Variants in GBE1 observed in about 807,000 individuals in gnomAD.
GBE1 encodes the protein 1,4-alpha-glucan-branching enzyme.
In GBE1, 70 loss-of-function variants were observed where a neutral mutation model predicts 88.8. The ratio of observed to expected loss-of-function variants is 0.79; its 90% CI spans 0.65 to 0.96. GBE1 has a LOEUF of 0.96. Ranked by LOEUF, GBE1 falls within the 40% of genes least tolerant of loss-of-function variation. The pLI is 0.00. For missense variants in GBE1, 872 were observed against 871.0 expected (o/e 1.00, Z -0.01); for synonymous variants, 284 against 300.1 (o/e 0.95, Z 0.56).
At chr3:81,583,809 G>A (rs1703763378) in intron 10 of GBE1, among the ~76,000 whole-genome samples, 1 of 151,980 alleles carries the variant, frequency 6.6e-6, no homozygotes, top group Admixed American at 6.6e-5. Context: ...GGAATCTTGT[G>A]GCAATGAACG....
At chr3:81,666,338 C>T (rs1705114238) in intron 3 of GBE1, among the ~76,000 whole-genome samples, 1 of 152,138 alleles carries the variant, frequency 6.6e-6, no homozygotes, top group South Asian at 2.1e-4. Context: ...CTTTTCTTTC[C>T]ATATTTTTTA....
At chr3:81,613,148 C>CTTT in intron 7 of GBE1, 2 of 226,944 alleles carry the variant, frequency 8.8e-6, no homozygotes, top group South Asian at 5.4e-5. Context: ...AAGCTGCAGT[C>CTTT]TTTTTTTTTT....
At position 81,636,307 on chromosome 3, in the gene GBE1, G is replaced by A. The variant is rs1193183315; in HGVS notation, c.992+6474C>T. Among the ~76,000 whole-genome samples the A allele has an allele frequency of 2.0e-5, 3 of 152,086 alleles. No homozygotes were observed. The East Asian group carries it at 5.8e-4, about 29-fold the overall frequency. On this transcript the variant is annotated intron_variant, in intron 7 of 15. Transcript: ENST00000429644. The stretch of plus-strand genomic sequence containing the variant: ...ATAAGATTCTGGTTTTAACAAGGAA[G>A]AAATGCTGAAAGGGAAAGAAAAAAT...
chr3:81,712,607 T>C (rs1243563176), intron 1 of GBE1, among the ~76,000 whole-genome samples: 2 of 151,268 alleles, frequency 1.3e-5, no homozygotes, highest in Admixed American at 6.6e-5. Flanking sequence ...ATGAGAACAC[T>C]TGGACACAGG....
chr3:81,637,689 A>T (rs1239712002), intron 7 of GBE1, among the ~76,000 whole-genome samples: 1 of 152,110 alleles, frequency 6.6e-6, no homozygotes, highest in Non-Finnish European at 1.5e-5. Context: ...AAATCCTCTT[A>T]AAAATAATTT....
At chr3:81,751,803 T>G (rs1231130293) in intron 1 of GBE1, among the ~76,000 whole-genome samples, 2 of 152,220 alleles carry the variant, frequency 1.3e-5, no homozygotes, top group African/African-American at 4.8e-5. Flanking sequence ...ATAACCAATT[T>G]TATCATGTTT....
At chr3:81,631,700 T>C (rs553880949) in intron 7 of GBE1, among the ~76,000 whole-genome samples, 5 of 151,088 alleles carry the variant, frequency 3.3e-5, no homozygotes. Context: ...TAAGCCGAGA[T>C]TGCACCACTG....
chr3:81,603,757 A>G (rs1156812722), intron 7 of GBE1, among the ~76,000 whole-genome samples: 4 of 152,130 alleles, frequency 2.6e-5, no homozygotes, highest in Admixed American at 1.3e-4. Flanking sequence ...CGGCCTCCCA[A>G]AGTGCTGGGA....
intron 7 of GBE1, among the ~76,000 whole-genome samples, chr3:81,634,005 G>T (rs1704555552): frequency 6.6e-6 from 1 of 152,056 alleles, no homozygotes. Flanking sequence ...AGAAGATGTG[G>T]CTCCATGGGT....
chr3:81,667,567 A>G (rs1037661015), intron 3 of GBE1, among the ~76,000 whole-genome samples: 1 of 152,126 alleles, frequency 6.6e-6, no homozygotes, highest in Admixed American at 6.5e-5. Flanking sequence ...ATTCAATATG[A>G]TATTAGTTGT....
At position 81,761,489 on chromosome 3, in the gene GBE1, C is replaced by G. The variant is rs1260965194; in HGVS notation, c.29G>C (p.Arg10Pro). The G allele has an allele frequency of 6.2e-7, 1 of 1,609,832 alleles. No homozygotes were observed. Among genetic ancestry groups the G allele is most frequent in the South Asian group, 1.1e-5 (1 of 90,788 alleles). MAAPMTPAA[R>P]PEDYEAALNA... Reference sequence around the variant, plus strand: ...GAGCGCCGCCTCGTAGTCCTCGGGCCGAGCCGCGGGAGTCATCGGAGCCGC... The same window carrying G: ...GAGCGCCGCCTCGTAGTCCTCGGGCGGAGCCGCGGGAGTCATCGGAGCCGC... The change falls in exon 1 of 16, where the codon CGG becomes CCG. Residue 10 changes from arginine (R) to proline (P), a missense_variant. Physicochemically the swap from Arg to Pro is moderately radical, Grantham distance 103. Coordinates refer to ENST00000429644, the MANE Select transcript of GBE1 (RefSeq NM_000158.4).
At chr3:81,655,487 C>T (rs1382577795) in intron 3 of GBE1, among the ~76,000 whole-genome samples, 2 of 151,862 alleles carry the variant, frequency 1.3e-5, no homozygotes, top group African/African-American at 2.4e-5. Flanking sequence ...ACCTGAATCC[C>T]GAAGAAATAA....
chr3:81,662,994 A>T (rs111686390), intron 3 of GBE1, among the ~76,000 whole-genome samples: 2,236 of 152,354 alleles, frequency 0.015, 27 homozygotes, highest in South Asian at 0.033. Flanking sequence ...GTGATGCTTA[A>T]TGTAATAAAA....
chr3:81,621,563 A>AC (rs1704333789), intron 7 of GBE1, among the ~76,000 whole-genome samples: 1 of 151,482 alleles, frequency 6.6e-6, no homozygotes, highest in African/African-American at 2.4e-5. Context: ...ACAATTCTTC[A>AC]CCCCCCAACA....
rs762945205 is a variant in GBE1 at position 81,705,465 on chromosome 3, C to G, written c.292G>C (p.Val98Leu). 97 of 1,593,048 alleles carry G rather than the reference C, an allele frequency of 6.1e-5. No individual in the cohort carries two copies. The Middle Eastern group carries it at 3.1e-3, about 52-fold the overall frequency. The change falls in exon 2 of 16, where the codon GTT becomes CTT. Residue 98 changes from valine to leucine, a missense_variant. Physicochemically the swap from Val to Leu is conservative, Grantham distance 32. Transcript: ENST00000429644. ...TTACTAAAATCTCCAGTAAGAAAAA[C>G]TCCTTCTGCTCCCGGGGCCCATTCT... The part of the protein sequence containing the change: ...CKEWAPGAEG[V>L]FLTGDFNGWN...
At chr3:81,647,222 T>A (rs890185401) in intron 5 of GBE1, among the ~76,000 whole-genome samples, 4 of 152,138 alleles carry the variant, frequency 2.6e-5, no homozygotes, top group African/African-American at 9.7e-5. Flanking sequence ...CCTCCCAAAG[T>A]GCTGGGATTA....
At chr3:81,597,293 C>A (rs1030948328) in intron 7 of GBE1, among the ~76,000 whole-genome samples, 31 of 151,582 alleles carry the variant, frequency 2.0e-4, no homozygotes, top group Non-Finnish European at 3.8e-4. Flanking sequence ...TTCCAACAGA[C>A]AAGCCAGGAC....
chr3:81,594,536 T>C (rs1250350750), intron 7 of GBE1, among the ~76,000 whole-genome samples: 1 of 152,042 alleles, frequency 6.6e-6, no homozygotes, highest in Non-Finnish European at 1.5e-5. Flanking sequence ...TTCCTCATGC[T>C]ACAATTTCAA....
At chr3:81,501,188 T>A (rs889139172) in intron 14 of GBE1, among the ~76,000 whole-genome samples, 1 of 152,176 alleles carries the variant, frequency 6.6e-6, no homozygotes, top group South Asian at 2.1e-4. Flanking sequence ...ATTATGGGAA[T>A]GTGACAAGAC....
Sources: gnomAD v4.1 joint callset for allele counts (sites outside exome capture counted in the v4.1 genomes callset) on GRCh38, gnomAD v4.1.1 for gene constraint, MANE v1.5 for transcripts, NCBI Gene and HGNC (gene_info 2026-07-23, HGNC 2026-07-21) for gene names.